The following TM9SF2 variants were observed in gnomAD, a reference collection of about 807,000 sequenced individuals.
TM9SF2 encodes the protein transmembrane 9 superfamily member 2.
Under a neutral mutation model 84.9 loss-of-function variants are expected in TM9SF2, and 13 were observed. That is an observed-to-expected ratio of 0.15 (90% CI 0.10 to 0.24). TM9SF2 has a LOEUF of 0.24. Ranked by LOEUF, TM9SF2 falls within the 10% of genes least tolerant of loss-of-function variation. TM9SF2 has a pLI of 1.00. For missense variants in TM9SF2, 562 were observed against 818.5 expected (o/e 0.69, Z 3.82); for synonymous variants, 273 against 285.8 (o/e 0.96, Z 0.45).
At chr13:99,545,901 T>G (rs555019739) in intron 10 of TM9SF2, among the ~76,000 whole-genome samples, 2 of 152,174 alleles carry the variant, frequency 1.3e-5, no homozygotes, top group Non-Finnish European at 2.9e-5. Context: ...AGCTGTCTTC[T>G]GCGATGCTCT....
chr13:99,539,408 A>G, intron 6 of TM9SF2, 38 bp from the exon 7 acceptor site: 1 of 1,285,234 alleles, frequency 7.8e-7, no homozygotes, highest in African/African-American at 1.5e-5. Flanking sequence ...AAAAAGTTGT[A>G]CTTTATCAGC....
intron 9 of TM9SF2, among the ~76,000 whole-genome samples, chr13:99,542,116 A>G (rs1219858058): frequency 6.7e-6 from 1 of 149,960 alleles, no homozygotes; most frequent in Non-Finnish European, 1.5e-5. Context: ...GTGCCACTGC[A>G]CTCCAGCCTG....
At chr13:99,542,803 G>C (rs1401580107) in intron 9 of TM9SF2, among the ~76,000 whole-genome samples, 2 of 151,898 alleles carry the variant, frequency 1.3e-5, no homozygotes, top group African/African-American at 2.4e-5. Flanking sequence ...ATCTTAATTT[G>C]CACAGCGTTG....
chr13:99,505,713 A>G (rs1298050800), intron 1 of TM9SF2, among the ~76,000 whole-genome samples: 2 of 152,194 alleles, frequency 1.3e-5, no homozygotes. Context: ...TTTAGTTTGT[A>G]AAAGTTTTGA....
chr13:99,524,369 G>C (rs1199457026), intron 3 of TM9SF2, among the ~76,000 whole-genome samples: 1 of 152,056 alleles, frequency 6.6e-6, no homozygotes, highest in Admixed American at 6.6e-5. Context: ...ATTTGCCAAG[G>C]GATGGGATGT....
chr13:99,541,086 C>T (rs758963671), intron 8 of TM9SF2, among the ~76,000 whole-genome samples: 9 of 152,202 alleles, frequency 5.9e-5, no homozygotes, highest in Non-Finnish European at 4.4e-5. Flanking sequence ...AAACAGAAGC[C>T]GCTGTTGTTG....
chr13:99,512,334 C>T (rs906412004), intron 1 of TM9SF2, among the ~76,000 whole-genome samples: 1 of 152,074 alleles, frequency 6.6e-6, no homozygotes, highest in African/African-American at 2.4e-5. Context: ...ATTACTTGCC[C>T]AAGAGCACTT....
chr13:99,523,835 A>G (rs992779276), intron 3 of TM9SF2, among the ~76,000 whole-genome samples: 1 of 152,216 alleles, frequency 6.6e-6, no homozygotes, highest in Admixed American at 6.5e-5. Context: ...TTGAAAATAA[A>G]TCTGTGAAGG....
chr13:99,547,979 T>C (rs1325243247), intron 11 of TM9SF2, among the ~76,000 whole-genome samples: 2 of 152,186 alleles, frequency 1.3e-5, no homozygotes, highest in Non-Finnish European at 2.9e-5. Context: ...ATGTGTGTTT[T>C]AAGTGTGTTT....
chr13:99,536,548 G>A lies in TM9SF2; in HGVS notation c.462-60G>A. 2.5e-6 allele frequency: 4 copies of A among 1,576,262 alleles called. No homozygotes were observed. In the South Asian group the frequency reaches 3.5e-5, roughly 14 times the overall value. On this transcript the variant is annotated intron_variant, in intron 4 of 16. Coordinates refer to ENST00000376387, the MANE Select transcript of TM9SF2 (RefSeq NM_004800.3). ...CAAAGTGATGACACTGATTTGGGCA[G>A]TAATTCTTTGTCATGTTTGGTGGGT...
At chr13:99,544,178 C>T (rs541387003) in intron 10 of TM9SF2, among the ~76,000 whole-genome samples, 183 bp downstream of exon 10, 44 of 151,902 alleles carry the variant, frequency 2.9e-4, no homozygotes, top group Non-Finnish European at 5.4e-4. Flanking sequence ...AGTGAAACCC[C>T]GTCTTTCTAC....
rs2046249213 is a variant in TM9SF2, at chr13:99,539,485, G to A, written c.756G>A (p.Gly252=). The A allele has an allele frequency of 1.2e-6, 2 of 1,613,654 alleles. No homozygotes were observed. Among genetic ancestry groups the A allele is most frequent in the Admixed American group, 1.7e-5 (1 of 59,988 alleles). Residue 252 remains glycine (G), a synonymous_variant, in exon 7 of 17, where the codon GGG becomes GGA. Transcript: ENST00000376387. ...ATATAGATAAACCAGACTGCTCAGGGCCCCCCATGGACATAAGTAACAAGG... is the reference window on the plus strand; with the variant it reads ...ATATAGATAAACCAGACTGCTCAGGACCCCCCATGGACATAAGTAACAAGG... ...HTHIDKPDCS[G]PPMDISNKAS...
chr13:99,527,706 T>C (rs1400891290), intron 3 of TM9SF2, among the ~76,000 whole-genome samples: 1 of 152,230 alleles, frequency 6.6e-6, no homozygotes, highest in Non-Finnish European at 1.5e-5. Flanking sequence ...ATATGGACTT[T>C]GATATAATTT....
chr13:99,510,056 T>G (rs2046106780), intron 1 of TM9SF2, among the ~76,000 whole-genome samples: 1 of 152,204 alleles, frequency 6.6e-6, no homozygotes, highest in Non-Finnish European at 1.5e-5. Flanking sequence ...TGTCACTCTT[T>G]AGTGCAGAGT....
chr13:99,519,045 A>G (rs2046147486), intron 2 of TM9SF2, among the ~76,000 whole-genome samples: 1 of 152,128 alleles, frequency 6.6e-6, no homozygotes, highest in Admixed American at 6.5e-5. Context: ...TTTAAAAGAA[A>G]ATAGTTTGCT....
At chr13:99,521,500 G>A (rs1243638471) in intron 3 of TM9SF2, among the ~76,000 whole-genome samples, 2 of 151,910 alleles carry the variant, frequency 1.3e-5, no homozygotes. Context: ...CATCTCCCTC[G>A]ACATTTTATT....
chr13:99,539,255 G>C (rs944379991), intron 6 of TM9SF2, among the ~76,000 whole-genome samples, 191 bp from the exon 7 acceptor site: 4 of 151,320 alleles, frequency 2.6e-5, no homozygotes, highest in Non-Finnish European at 5.9e-5. Context: ...TGCTCTTCAA[G>C]TATAGTGTTT....
chr13:99,501,576 G>A lies in TM9SF2; in HGVS notation c.-31G>A. 2.5e-6 allele frequency: 4 copies of A among 1,607,312 alleles called. No individual in the cohort carries two copies. Among genetic ancestry groups the A allele is most frequent in the East Asian group, 2.3e-5 (1 of 44,338 alleles). On this transcript the variant is annotated 5_prime_UTR_variant, in exon 1 of 17. Coordinates refer to ENST00000376387, the MANE Select transcript of TM9SF2 (RefSeq NM_004800.3). ...CCCTCCTTCCCTCTTGACCCCCTAG[G>A]TTTGATTGCCCTTTCCCCGAAACAA...
intron 3 of TM9SF2, among the ~76,000 whole-genome samples, chr13:99,520,347 T>G (rs1297149826): frequency 6.6e-6 from 1 of 152,124 alleles, no homozygotes; most frequent in Non-Finnish European, 1.5e-5. Flanking sequence ...GCAACTAATG[T>G]TAGGAATGTT....
Sources: gnomAD v4.1 joint callset for allele counts (sites outside exome capture counted in the v4.1 genomes callset) on GRCh38, gnomAD v4.1.1 for gene constraint, MANE v1.5 for transcripts, NCBI Gene and HGNC (gene_info 2026-07-23, HGNC 2026-07-21) for gene names.